Variants in ENTPD1 observed in about 807,000 individuals in gnomAD.
ENTPD1 encodes ectonucleoside triphosphate diphosphohydrolase 1.
ENTPD1 carries 33 observed loss-of-function variants against 57.0 expected under a neutral mutation model. That is an observed-to-expected ratio of 0.58 (90% CI 0.44 to 0.77). The LOEUF (loss-of-function observed/expected upper bound fraction) is 0.77. ENTPD1 is among the 30% of genes least tolerant of loss of function. The pLI is 0.00. For missense variants in ENTPD1, 501 were observed against 603.4 expected, an observed-to-expected ratio of 0.83 and a Z score of 1.78; for synonymous variants, 202 against 218.8, an observed-to-expected ratio of 0.92 and a Z score of 0.68.
intron 1 of ENTPD1, among the ~76,000 whole-genome samples, chr10:95,729,694 A>G (rs1175511670): frequency 2.0e-5 from 3 of 152,180 alleles, no homozygotes; most frequent in Non-Finnish European, 2.9e-5. Flanking sequence ...TTAAGTCTCT[A>G]CCTCACTCTA....
At chr10:95,755,239 T>A (rs1258937656), upstream of ENTPD1, 1 of 159,802 alleles carries the variant, frequency 6.3e-6, no homozygotes, top group Non-Finnish European at 1.4e-5. Flanking sequence ...GCTTAACCTC[T>A]CCACATCTCT....
intron 1 of ENTPD1, among the ~76,000 whole-genome samples, chr10:95,815,584 T>A (rs2098327270): frequency 6.6e-6 from 1 of 152,154 alleles, no homozygotes; most frequent in Non-Finnish European, 1.5e-5. Context: ...CTCAGTCATG[T>A]ATTGTAGGGT....
chr10:95,839,895 G>A (rs2098419002), intron 3 of ENTPD1, 87 bp downstream of exon 3: 2 of 1,331,230 alleles, frequency 1.5e-6, no homozygotes, highest in African/African-American at 1.4e-5. Context: ...AAGAGAAAAA[G>A]GAGTCCCACG....
chr10:95,780,525 G>A (rs1348756356), intron 1 of ENTPD1, among the ~76,000 whole-genome samples: 1 of 152,184 alleles, frequency 6.6e-6, no homozygotes, highest in Non-Finnish European at 1.5e-5. Flanking sequence ...TTTGCTTTAT[G>A]AGTCTATGTG....
chr10:95,750,433 C>G (rs1294580599), intron 1 of ENTPD1, among the ~76,000 whole-genome samples: 1 of 152,126 alleles, frequency 6.6e-6, no homozygotes, highest in Non-Finnish European at 1.5e-5. Context: ...TCCCCTTTCT[C>G]TCTCGTGCTC....
upstream of ENTPD1, among the ~76,000 whole-genome samples, chr10:95,751,500 C>T (rs918602092): frequency 7.2e-5 from 11 of 152,062 alleles, no homozygotes; most frequent in Non-Finnish European, 1.0e-4. Flanking sequence ...CAGCCTATCA[C>T]CTGAGGTCAG....
upstream of ENTPD1, among the ~76,000 whole-genome samples, chr10:95,751,755 G>A (rs1421887074): frequency 6.6e-6 from 1 of 152,078 alleles, no homozygotes; most frequent in African/African-American, 2.4e-5. Flanking sequence ...TACTGGATGG[G>A]AGCAGATTTG....
upstream of ENTPD1, among the ~76,000 whole-genome samples, chr10:95,710,551 C>A (rs1251641086): frequency 6.6e-6 from 1 of 152,128 alleles, no homozygotes; most frequent in Non-Finnish European, 1.5e-5. Flanking sequence ...TGGCAGAATT[C>A]ATCTCCTTGC....
chr10:95,860,227 C>T (rs2098463133), intron 7 of ENTPD1, among the ~76,000 whole-genome samples: 1 of 151,882 alleles, frequency 6.6e-6, no homozygotes, highest in African/African-American at 2.4e-5. Flanking sequence ...TTTCTTTCTC[C>T]CTGACTCTTC....
chr10:95,747,333 T>C (rs1021196113), intron 1 of ENTPD1, among the ~76,000 whole-genome samples: 1 of 152,222 alleles, frequency 6.6e-6, no homozygotes, highest in African/African-American at 2.4e-5. Context: ...GTTGAATACA[T>C]AAACACAGGC....
chr10:95,750,466 C>G (rs906650659), intron 1 of ENTPD1, among the ~76,000 whole-genome samples: 4 of 152,078 alleles, frequency 2.6e-5, no homozygotes, highest in Non-Finnish European at 2.9e-5. Context: ...TGTGATGTAC[C>G]AGCTCCCCCT....
At chr10:95,719,590 T>C (rs1415256241) in intron 1 of ENTPD1, among the ~76,000 whole-genome samples, 1 of 152,206 alleles carries the variant, frequency 6.6e-6, no homozygotes, top group Non-Finnish European at 1.5e-5. Flanking sequence ...TTTAACCTGC[T>C]GTGAGCAGAG....
upstream of ENTPD1, among the ~76,000 whole-genome samples, chr10:95,710,923 C>T (rs1346666813): frequency 6.6e-6 from 1 of 152,172 alleles, no homozygotes; most frequent in Non-Finnish European, 1.5e-5. Context: ...TGCCCAGCCT[C>T]TTTCGCAGAT....
At chr10:95,754,500 G>T (rs1286485202), upstream of ENTPD1, 1 of 151,834 alleles carries the variant, frequency 6.6e-6, no homozygotes, top group East Asian at 1.9e-4. Flanking sequence ...TTGATGTTTT[G>T]GTTTCCATTC....
intron 7 of ENTPD1, among the ~76,000 whole-genome samples, chr10:95,848,256 C>T (rs185268756): frequency 3.9e-5 from 6 of 152,280 alleles, no homozygotes; most frequent in South Asian, 2.1e-4. Context: ...CAGGATGTCA[C>T]GATGCTTACT....
chr10:95,835,101 C>T (rs1399571466), intron 2 of ENTPD1, among the ~76,000 whole-genome samples: 1 of 152,120 alleles, frequency 6.6e-6, no homozygotes, highest in East Asian at 1.9e-4. Flanking sequence ...TCCCCACCTC[C>T]CCTCTTTTGG....
intron 1 of ENTPD1, among the ~76,000 whole-genome samples, chr10:95,808,674 T>C (rs1273716594): frequency 6.6e-6 from 1 of 152,108 alleles, no homozygotes; most frequent in East Asian, 1.9e-4. Flanking sequence ...AGGCACCTTC[T>C]TTCCCCAGAC....
At chr10:95,697,862 G>A in the ENTPD1 span, among the ~76,000 whole-genome samples, 1 of 152,218 alleles carries the variant, frequency 6.6e-6, no homozygotes, top group African/African-American at 2.4e-5. Flanking sequence ...GAACCAAGAA[G>A]TGGGATTTTG....
At chr10:95,813,414 A>G (rs1408302447) in intron 1 of ENTPD1, among the ~76,000 whole-genome samples, 1 of 152,216 alleles carries the variant, frequency 6.6e-6, no homozygotes, top group Non-Finnish European at 1.5e-5. Context: ...GAAGCAGAGG[A>G]TGTGAAAACA....
Sources: gnomAD v4.1 joint callset for allele counts (sites outside exome capture counted in the v4.1 genomes callset) on GRCh38, gnomAD v4.1.1 for gene constraint, MANE v1.5 for transcripts, NCBI Gene and HGNC (gene_info 2026-07-23, HGNC 2026-07-21) for gene names.